FNDC3B: variants seen among roughly 807,000 people sequenced by gnomAD.
FNDC3B encodes the protein fibronectin type III domain-containing protein 3B.
In FNDC3B, 12 loss-of-function variants were observed where a neutral mutation model predicts 151.5. The ratio of observed to expected loss-of-function variants is 0.08; its 90% CI spans 0.05 to 0.13. The LOEUF (loss-of-function observed/expected upper bound fraction) is 0.13, where lower values mean the gene tolerates loss of function less well. FNDC3B is among the 10% of genes least tolerant of loss of function. The pLI is 1.00. For synonymous variants in FNDC3B, 528 were observed against 549.0 expected (o/e 0.96, Z 0.54); for missense variants, 1,214 against 1,505.3 (o/e 0.81, Z 3.20).
intron 11 of FNDC3B, among the ~76,000 whole-genome samples, chr3:172,321,329 A>G (rs1389469831): frequency 1.3e-5 from 2 of 152,236 alleles, no homozygotes; most frequent in Admixed American, 1.3e-4. Flanking sequence ...CTGTAAGATG[A>G]AGTAACTGCA....
rs1198519588 is a variant in FNDC3B, at chr3:172,289,179, T to C, written c.849+3195T>C. ...AGGCTTTGGGACAAAATCTGTTTTC[T>C]TGCCTTTTCCAGTTTCTAAAGGCAG... On this transcript the variant is annotated intron_variant, in intron 7 of 25. Coordinates refer to ENST00000415807, the MANE Select transcript of FNDC3B (RefSeq NM_022763.4). 2.6e-5 allele frequency among the ~76,000 whole-genome samples: 4 copies of C among 152,348 alleles called. No individual in the cohort carries two copies. The East Asian group carries it at 7.7e-4, about 29-fold the overall frequency.
At chr3:172,224,053 A>G (rs1726426323) in intron 3 of FNDC3B, among the ~76,000 whole-genome samples, 1 of 152,244 alleles carries the variant, frequency 6.6e-6, no homozygotes, top group Non-Finnish European at 1.5e-5. Context: ...GCTGGGGAAT[A>G]AAACCAGGCA....
intron 9 of FNDC3B, among the ~76,000 whole-genome samples, chr3:172,303,852 A>G (rs1415236037): frequency 1.3e-5 from 2 of 152,242 alleles, no homozygotes; most frequent in Admixed American, 1.3e-4. Context: ...CCATTTACTG[A>G]ACTACTATAA....
At chr3:172,338,881 C>T (rs548227367) in intron 16 of FNDC3B, among the ~76,000 whole-genome samples, 3 of 152,140 alleles carry the variant, frequency 2.0e-5, no homozygotes, top group Non-Finnish European at 4.4e-5. Flanking sequence ...GGACTACAGA[C>T]GCCCACCACT....
chr3:172,077,569 G>A (rs546015859), intron 1 of FNDC3B, among the ~76,000 whole-genome samples: 19 of 152,256 alleles, frequency 1.2e-4, no homozygotes, highest in Admixed American at 3.9e-4. Context: ...TATAAACAAA[G>A]CCCCAGAACA....
intron 3 of FNDC3B, among the ~76,000 whole-genome samples, chr3:172,141,145 TCC>T (rs10575160): frequency 0.17 from 26,389 of 151,714 alleles, 2,491 homozygotes; most frequent in East Asian, 0.35. Flanking sequence ...TACTGATTTT[TCC>T]CCCCCCTAAA....
At chr3:172,380,637 CA>C (rs1320466521) in intron 24 of FNDC3B, among the ~76,000 whole-genome samples, 1 of 152,204 alleles carries the variant, frequency 6.6e-6, no homozygotes, top group African/African-American at 2.4e-5. Flanking sequence ...CCTGTTTTTG[CA>C]TCTTCCAGAA....
chr3:172,320,432 C>T (rs1199785707), intron 11 of FNDC3B, among the ~76,000 whole-genome samples: 1 of 152,016 alleles, frequency 6.6e-6, no homozygotes, highest in African/African-American at 2.4e-5. Context: ...AGATACCACA[C>T]ATCAAGAAAA....
At chr3:172,307,744 A>G (rs1428335272) in intron 10 of FNDC3B, among the ~76,000 whole-genome samples, 36 of 152,220 alleles carry the variant, frequency 2.4e-4, no homozygotes, top group Non-Finnish European at 1.5e-5. Context: ...GCACGACTCC[A>G]GTCTTGTGAT....
At chr3:172,257,604 A>ACG (rs1336025312) in intron 6 of FNDC3B, among the ~76,000 whole-genome samples, 3 of 149,098 alleles carry the variant, frequency 2.0e-5, no homozygotes, top group Admixed American at 1.3e-4. Flanking sequence ...ACACACACAC[A>ACG]CACACGCACT....
intron 23 of FNDC3B, among the ~76,000 whole-genome samples, chr3:172,375,465 C>G (rs1008770234): frequency 3.9e-5 from 6 of 152,190 alleles, no homozygotes; most frequent in African/African-American, 1.4e-4. Context: ...CAGGAAAGAG[C>G]CTCTGTCATG....
chr3:172,330,344 A>G (rs1343579969), intron 12 of FNDC3B, 197 bp from the exon 13 acceptor site: 2 of 498,622 alleles, frequency 4.0e-6, no homozygotes, highest in African/African-American at 3.9e-5. Flanking sequence ...GTGTGTGTCT[A>G]GTAGAAGATC....
chr3:172,081,628 G>A (rs142084490), intron 1 of FNDC3B, among the ~76,000 whole-genome samples: 220 of 152,166 alleles, frequency 1.4e-3, no homozygotes, highest in African/African-American at 5.1e-3. Flanking sequence ...TCCTTAGATC[G>A]ATAATATGCT....
At chr3:172,219,158 C>A (rs1726142751) in intron 3 of FNDC3B, among the ~76,000 whole-genome samples, 1 of 152,218 alleles carries the variant, frequency 6.6e-6, no homozygotes, top group Non-Finnish European at 1.5e-5. Context: ...TCTGCAATTA[C>A]TAACGTTTCC....
chr3:172,184,776 A>G (rs1199589935), intron 3 of FNDC3B, among the ~76,000 whole-genome samples: 2 of 152,166 alleles, frequency 1.3e-5, no homozygotes, highest in Non-Finnish European at 2.9e-5. Context: ...TTTCTTTTGG[A>G]ATTTTCCTTT....
intron 1 of FNDC3B, among the ~76,000 whole-genome samples, chr3:172,094,018 C>T (rs1718977352): frequency 6.6e-6 from 1 of 151,904 alleles, no homozygotes; most frequent in African/African-American, 2.4e-5. Context: ...AATTCTAGAA[C>T]ATCGGCATTG....
chr3:172,159,141 T>A (rs1387123687), intron 3 of FNDC3B, among the ~76,000 whole-genome samples: 3 of 152,126 alleles, frequency 2.0e-5, no homozygotes, highest in African/African-American at 2.4e-5. Flanking sequence ...TAGCTGGGCG[T>A]GGTGGCACAT....
chr3:172,201,401 T>C (rs1373355322), intron 3 of FNDC3B, among the ~76,000 whole-genome samples: 1 of 152,144 alleles, frequency 6.6e-6, no homozygotes, highest in Non-Finnish European at 1.5e-5. Context: ...CTTGGACATA[T>C]TAGGGACATG....
At chr3:172,276,336 G>T (rs1174644810) in intron 6 of FNDC3B, among the ~76,000 whole-genome samples, 1 of 152,148 alleles carries the variant, frequency 6.6e-6, no homozygotes, top group African/African-American at 2.4e-5. Context: ...CCTCCTGCTG[G>T]CTACATTTAG....
Sources: allele counts gnomAD v4.1 joint callset (sites outside exome capture counted in the v4.1 genomes callset), GRCh38; gene constraint gnomAD v4.1.1; transcripts MANE v1.5; gene names NCBI Gene and HGNC (gene_info 2026-07-23, HGNC 2026-07-21).